CDH2: variants seen among roughly 807,000 people sequenced by gnomAD.
CDH2 encodes the protein cadherin-2.
In CDH2, 17 loss-of-function variants were observed where a neutral mutation model predicts 92.0. That is an observed-to-expected ratio of 0.18 (90% CI 0.13 to 0.28). The LOEUF is 0.28. Ranked by LOEUF, CDH2 falls within the 10% of genes least tolerant of loss-of-function variation. The pLI, the probability that CDH2 is intolerant of heterozygous loss-of-function variation, is 1.00. For synonymous variants in CDH2, 419 were observed against 415.9 expected (o/e 1.01, Z -0.09); for missense variants, 862 against 1,133.1 (o/e 0.76, Z 3.44).
intron 14 of CDH2, among the ~76,000 whole-genome samples, chr18:27,969,086 C>T (rs967868710): frequency 1.3e-5 from 2 of 152,152 alleles, no homozygotes; most frequent in East Asian, 1.9e-4. Flanking sequence ...AGTGAAATAT[C>T]GTTATGACGG....
chr18:28,118,881 G>A (rs2015540395), intron 2 of CDH2, among the ~76,000 whole-genome samples: 1 of 151,948 alleles, frequency 6.6e-6, no homozygotes, highest in Non-Finnish European at 1.5e-5. Flanking sequence ...ATAATTACTA[G>A]CTAAAAGTAT....
intron 2 of CDH2, among the ~76,000 whole-genome samples, chr18:28,030,313 T>C (rs1296514271): frequency 3.3e-5 from 5 of 151,892 alleles, no homozygotes; most frequent in African/African-American, 1.2e-4. Context: ...AAGTATTAAG[T>C]GTAAATTTTT....
intron 2 of CDH2, among the ~76,000 whole-genome samples, chr18:28,028,413 A>G (rs1408265432): frequency 6.6e-6 from 1 of 152,126 alleles, no homozygotes; most frequent in African/African-American, 2.4e-5. Flanking sequence ...ACACTAACTA[A>G]AATTAAAGTC....
chr18:27,941,350 T>C (rs1379771368), intron 6 of CDH2, among the ~76,000 whole-genome samples: 1 of 152,136 alleles, frequency 6.6e-6, no homozygotes, highest in East Asian at 1.9e-4. Context: ...CCACCTTTTT[T>C]ATGATACATA....
intron 6 of CDH2, among the ~76,000 whole-genome samples, chr18:28,003,623 T>C (rs2012833180): frequency 1.3e-5 from 2 of 152,224 alleles, no homozygotes; most frequent in South Asian, 4.1e-4. Flanking sequence ...CCTGAGTCAC[T>C]TTCCGAATGT....
intron 1 of CDH2, among the ~76,000 whole-genome samples, chr18:28,150,386 T>G (rs1271543914): frequency 1.3e-5 from 2 of 152,232 alleles, no homozygotes; most frequent in African/African-American, 4.8e-5. Context: ...AACCGTAAGC[T>G]TTTATTCAAT....
At chr18:28,028,105 A>G (rs563652973) in intron 2 of CDH2, among the ~76,000 whole-genome samples, 1 of 152,142 alleles carries the variant, frequency 6.6e-6, no homozygotes, top group South Asian at 2.1e-4. Context: ...TTCAACATGA[A>G]TTTTACTCAT....
chr18:28,045,126 A>C lies in CDH2; in HGVS notation c.173-31217T>G, dbSNP rs768858860. ...CCATCTACCAGTACCTCAGCCGTTA[A>C]GTATGATAATCTTATAGTTCTTCCT... On this transcript the variant is annotated intron_variant, in intron 2 of 15. Coordinates refer to ENST00000269141, the MANE Select transcript of CDH2 (RefSeq NM_001792.5). 3.9e-4 allele frequency among the ~76,000 whole-genome samples: 60 copies of C among 152,166 alleles called. 1 individual carries two copies. The highest frequency in any genetic ancestry group is 2.0e-4 in the Admixed American group (3 of 15,264).
At chr18:28,160,183 T>C (rs1431532304) in intron 1 of CDH2, among the ~76,000 whole-genome samples, 1 of 150,164 alleles carries the variant, frequency 6.7e-6, no homozygotes, top group East Asian at 2.0e-4. Flanking sequence ...CAGCAGGACC[T>C]CAGGAAAGAC....
intron 2 of CDH2, among the ~76,000 whole-genome samples, chr18:28,019,077 T>C (rs1031336924): frequency 2.0e-5 from 3 of 151,932 alleles, no homozygotes; most frequent in African/African-American, 7.2e-5. Context: ...TTCTCGCTCA[T>C]AAGTGGGAGC....
At chr18:28,094,638 C>CA (rs1387240753) in intron 2 of CDH2, among the ~76,000 whole-genome samples, 14 of 151,284 alleles carry the variant, frequency 9.3e-5, no homozygotes, top group African/African-American at 1.5e-4. Flanking sequence ...ACTAAAAACA[C>CA]AAAAAATTAG....
intron 13 of CDH2, among the ~76,000 whole-genome samples, 200 bp downstream of exon 13, chr18:27,984,800 A>G (rs1042394543): frequency 1.3e-5 from 2 of 152,248 alleles, no homozygotes; most frequent in African/African-American, 4.8e-5. Context: ...AGCTTGTTGC[A>G]AACATCAAGT....
At position 28,009,796 on chromosome 18, in the gene CDH2, C is replaced by A; in HGVS notation, c.623G>T (p.Gly208Val). ...CGAGATGGGGTTGATAATGAAGATA[C>A]CAGTTGGAGGCTGGTCAGCTCCTGG... ...TGPGADQPPTGIFIINPISGQ... is the reference protein window; with the variant it reads ...TGPGADQPPTVIFIINPISGQ... Residue 208 changes from glycine (G) to valine (V), a missense_variant, in exon 5 of 16, where the codon GGT becomes GTT. Transcript: ENST00000269141. 6.2e-7 allele frequency: 1 copy of A among 1,613,926 alleles called. No individual in the cohort carries two copies. The highest frequency in any genetic ancestry group is 8.5e-7 in the Non-Finnish European group (1 of 1,179,956).
intron 2 of CDH2, among the ~76,000 whole-genome samples, chr18:28,093,733 A>G (rs548099864): frequency 6.6e-6 from 1 of 152,354 alleles, no homozygotes; most frequent in East Asian, 1.9e-4. Context: ...ATTCTTTTAT[A>G]CATTATACTG....
At chr18:27,963,736 CT>C in intron 14 of CDH2, 1 of 531,270 alleles carries the variant, frequency 1.9e-6, no homozygotes, top group Non-Finnish European at 3.4e-6. Flanking sequence ...TGTGCTCCAT[CT>C]GCTTTACAAT....
At position 28,005,945 on chromosome 18, in the gene CDH2, T is replaced by C. The variant is rs1329481665; in HGVS notation, c.751A>G (p.Ile251Val). ...TCAATAACATTGATGACAATGTCAA[T>C]GGGGTTCTCCACTTGATTTCCATTA... ...DINGNQVENPIDIVINVIDMN... is the reference protein window; with the variant it reads ...DINGNQVENPVDIVINVIDMN... Residue 251 changes from isoleucine to valine, a missense_variant, in exon 6 of 16, where the codon ATT (isoleucine) becomes GTT (valine). By Grantham distance (29) the Ile-to-Val change is conservative. This residue lies in a region of CDH2 where 564 missense variants were observed against 722.2 expected (regional missense o/e 0.78). Transcript: ENST00000269141. 1.2e-6 allele frequency: 2 copies of C among 1,611,806 alleles called. No individual in the cohort carries two copies. The highest frequency in any genetic ancestry group is 1.7e-6 in the Non-Finnish European group (2 of 1,177,872).
chr18:28,009,690 A>G, intron 5 of CDH2, 27 bp downstream of exon 5: 3 of 1,608,890 alleles, frequency 1.9e-6, no homozygotes, highest in South Asian at 2.2e-5. Flanking sequence ...GTTAATACAC[A>G]GAATTATCAG....
chr18:28,046,550 T>G (rs2014080988), intron 2 of CDH2, among the ~76,000 whole-genome samples: 1 of 152,136 alleles, frequency 6.6e-6, no homozygotes, highest in Non-Finnish European at 1.5e-5. Flanking sequence ...CATATATTAC[T>G]GAATCAAATT....
At chr18:28,052,255 T>C (rs959021114) in intron 2 of CDH2, among the ~76,000 whole-genome samples, 1 of 152,176 alleles carries the variant, frequency 6.6e-6, no homozygotes, top group Non-Finnish European at 1.5e-5. Context: ...GGGAAGTAAT[T>C]TGTGTAAGGG....
Sources: gnomAD v4.1 joint callset for allele counts (sites outside exome capture counted in the v4.1 genomes callset) on GRCh38, gnomAD v4.1.1 for gene constraint, gnomAD v4.1.1 regional missense constraint, MANE v1.5 for transcripts, NCBI Gene and HGNC (gene_info 2026-07-23, HGNC 2026-07-21) for gene names.